ATP10B: variants seen among roughly 807,000 people sequenced by gnomAD.
The protein encoded by ATP10B is ATPase phospholipid transporting 10B (putative).
In ATP10B, 122 loss-of-function variants were observed where a neutral mutation model predicts 141.2. The observed-to-expected ratio is 0.86, with a 90% CI of 0.75 to 1.00. ATP10B has a LOEUF of 1.00. Among genes scored for constraint, ATP10B ranks in the 50% least tolerant of loss-of-function variants. ATP10B has a pLI of 0.00. For synonymous variants in ATP10B, 685 were observed against 692.0 expected (o/e 0.99, Z 0.16); for missense variants, 1,876 against 1,825.3 (o/e 1.03, Z -0.51).
the ATP10B span, among the ~76,000 whole-genome samples, chr5:160,891,933 A>G: frequency 6.6e-6 from 1 of 152,236 alleles, no homozygotes; most frequent in South Asian, 2.1e-4. Context: ...GTAGAGGTGA[A>G]TGAGAAATAT....
At chr5:160,637,768 G>T (rs1759527578) in intron 10 of ATP10B, among the ~76,000 whole-genome samples, 2 of 152,190 alleles carry the variant, frequency 1.3e-5, no homozygotes, top group Admixed American at 6.5e-5. Flanking sequence ...GAGAATAAAA[G>T]GCATAGAGGA....
At chr5:160,904,230 T>C in the ATP10B span, among the ~76,000 whole-genome samples, 3 of 152,198 alleles carry the variant, frequency 2.0e-5, no homozygotes, top group African/African-American at 7.2e-5. Flanking sequence ...TAGTGGTTGA[T>C]AGTATAAAGT....
chr5:160,802,940 T>C (rs948019156), intron 1 of ATP10B, among the ~76,000 whole-genome samples: 1 of 152,152 alleles, frequency 6.6e-6, no homozygotes, highest in African/African-American at 2.4e-5. Flanking sequence ...GGGGAGATAA[T>C]TGGGGGACAA....
At chr5:160,818,431 A>C (rs1253667625) in intron 1 of ATP10B, among the ~76,000 whole-genome samples, 1 of 152,256 alleles carries the variant, frequency 6.6e-6, no homozygotes. Context: ...AGAGAAATGC[A>C]AATCAGAACC....
intron 1 of ATP10B, among the ~76,000 whole-genome samples, chr5:160,826,021 G>A (rs1774576140): frequency 6.6e-6 from 1 of 152,162 alleles, no homozygotes; most frequent in Admixed American, 6.5e-5. Flanking sequence ...GTATTCCATG[G>A]TATAAACGTA....
At chr5:160,576,350 G>T (rs2127597863) in intron 24 of ATP10B, among the ~76,000 whole-genome samples, 1 of 152,264 alleles carries the variant, frequency 6.6e-6, no homozygotes, top group Middle Eastern at 3.4e-3. Flanking sequence ...TCACCAAATT[G>T]AGAAACCAAG....
Position 160,609,527 on chromosome 5 carries a change from C to T in ATP10B, c.2839-2441G>A, listed in dbSNP as rs79962197. Among the ~76,000 whole-genome samples, 24 of 152,082 alleles carry T rather than the reference C, an allele frequency of 1.6e-4. No individual in the cohort carries two copies. In the East Asian group the frequency reaches 3.7e-3, roughly 23 times the overall value. On this transcript the variant is annotated intron_variant, in intron 18 of 25. Coordinates refer to ENST00000327245, the MANE Select transcript of ATP10B (RefSeq NM_025153.3). ...CCAAGTAACTGGGATTACCAGCATG[C>T]GCCACCACACCTGGCTAATTTTTAT...
rs1581218322 is a variant in ATP10B, at chr5:160,624,541, G to A, written c.1621-1956C>T. 2.0e-5 allele frequency among the ~76,000 whole-genome samples: 3 copies of A among 152,214 alleles called. No homozygotes were observed. The South Asian group carries it at 6.2e-4, about 31-fold the overall frequency. ...CTTCCATTGCCCTGAAAACAATTGT[G>A]TGAACCATCCATACCATGTGGTGTC... On this transcript the variant is annotated intron_variant, in intron 13 of 25. Coordinates refer to ENST00000327245, the MANE Select transcript of ATP10B (RefSeq NM_025153.3).
intron 1 of ATP10B, among the ~76,000 whole-genome samples, chr5:160,825,319 G>A (rs538246310): frequency 6.6e-6 from 1 of 152,260 alleles, no homozygotes; most frequent in African/African-American, 2.4e-5. Context: ...AAATCCAGTG[G>A]GAGATAATTT....
intron 24 of ATP10B, among the ~76,000 whole-genome samples, chr5:160,585,313 G>A (rs115244870): frequency 0.014 from 2,175 of 152,254 alleles, 55 homozygotes; most frequent in African/African-American, 0.049. Flanking sequence ...GAATTCATTA[G>A]CTTGGTGGTT....
At chr5:160,656,721 C>A (rs956374681) in intron 7 of ATP10B, among the ~76,000 whole-genome samples, 5 of 151,564 alleles carry the variant, frequency 3.3e-5, no homozygotes, top group Admixed American at 2.6e-4. Context: ...TTAAATGGAA[C>A]CCATAGGCAT....
intron 24 of ATP10B, among the ~76,000 whole-genome samples, chr5:160,571,329 T>C (rs1211138697): frequency 6.6e-6 from 1 of 152,226 alleles, no homozygotes; most frequent in East Asian, 1.9e-4. Context: ...TATCTAATTT[T>C]CTATTAAGCC....
chr5:160,866,074 G>C, the ATP10B span, among the ~76,000 whole-genome samples: 2 of 152,048 alleles, frequency 1.3e-5, no homozygotes, highest in South Asian at 2.1e-4. Context: ...TATCTACCCA[G>C]AGGAAAAGAA....
chr5:160,901,524 G>C, the ATP10B span, among the ~76,000 whole-genome samples: 1 of 152,126 alleles, frequency 6.6e-6, no homozygotes, highest in African/African-American at 2.4e-5. Flanking sequence ...CCTAGCTTAT[G>C]GGGAAAGGGC....
intron 22 of ATP10B, among the ~76,000 whole-genome samples, chr5:160,591,977 C>T (rs907475421): frequency 6.6e-6 from 1 of 152,140 alleles, no homozygotes; most frequent in African/African-American, 2.4e-5. Context: ...CTTCTTTCCT[C>T]CAGGTGCAAG....
intron 2 of ATP10B, among the ~76,000 whole-genome samples, chr5:160,770,322 G>A (rs1369927356): frequency 6.6e-6 from 1 of 151,582 alleles, no homozygotes; most frequent in Non-Finnish European, 1.5e-5. Flanking sequence ...CTCTTCATCT[G>A]CCTCCTTCTC....
chr5:160,665,664 G>A (rs1474111128), intron 7 of ATP10B, among the ~76,000 whole-genome samples: 1 of 152,202 alleles, frequency 6.6e-6, no homozygotes, highest in Admixed American at 6.5e-5. Context: ...CTTGGGACAA[G>A]TGCTTAGCAG....
At chr5:160,819,226 C>A (rs113345614) in intron 1 of ATP10B, among the ~76,000 whole-genome samples, 4 of 151,960 alleles carry the variant, frequency 2.6e-5, no homozygotes, top group Non-Finnish European at 4.4e-5. Flanking sequence ...ATATGTCTGG[C>A]AGGAGACTTT....
chr5:160,812,053 AGAGAGAGG>A (rs1207577602), intron 1 of ATP10B, among the ~76,000 whole-genome samples: 19 of 138,666 alleles, frequency 1.4e-4, no homozygotes, highest in African/African-American at 4.1e-4. Flanking sequence ...AGAGAGAGAG[AGAGAGAGG>A]GAGAGGGAGA....
Sources: gnomAD v4.1 joint callset for allele counts (sites outside exome capture counted in the v4.1 genomes callset) on GRCh38, gnomAD v4.1.1 for gene constraint, MANE v1.5 for transcripts, NCBI Gene and HGNC (gene_info 2026-07-23, HGNC 2026-07-21) for gene names.